Variants in EVI5 observed in about 807,000 individuals in gnomAD.
EVI5 encodes ecotropic viral integration site 5, also known as ecotropic viral integration site 5 protein homolog.
A neutral mutation model predicts 112.0 loss-of-function variants in EVI5; 73 were observed. That is an observed-to-expected ratio of 0.65 (90% CI 0.54 to 0.79). The LOEUF (loss-of-function observed/expected upper bound fraction) is 0.79. Ranked by LOEUF, EVI5 falls within the 30% of genes least tolerant of loss-of-function variation. The probability of loss-of-function intolerance (pLI) is 0.00; values close to 1 mark genes in which losing one functional copy is unlikely to be tolerated. For missense variants in EVI5, 900 were observed against 968.8 expected (o/e 0.93, Z 0.94); for synonymous variants, 305 against 319.9 (o/e 0.95, Z 0.50).
chr1:92,540,499 A>G (rs1372743386), intron 19 of EVI5, among the ~76,000 whole-genome samples: 1 of 152,188 alleles, frequency 6.6e-6, no homozygotes, highest in African/African-American at 2.4e-5. Flanking sequence ...CAGTCTATTC[A>G]GATCCTTTAT....
intron 9 of EVI5, among the ~76,000 whole-genome samples, chr1:92,691,556 A>G (rs1570381470): frequency 1.3e-5 from 2 of 152,328 alleles, no homozygotes; most frequent in South Asian, 4.1e-4. Context: ...AAGCTTCATA[A>G]AAGGAAAATG....
intron 13 of EVI5, among the ~76,000 whole-genome samples, chr1:92,657,245 A>AT: frequency 6.6e-6 from 1 of 152,352 alleles, no homozygotes; most frequent in South Asian, 2.1e-4. Flanking sequence ...AATAACTGTG[A>AT]TTCACCACAT....
In EVI5 at chr1:92,704,474, G is replaced by T. The variant is rs184686821; in HGVS notation, c.339+81C>A. On this transcript the variant is annotated intron_variant, in intron 3 of 19. Coordinates refer to ENST00000684568, the MANE Select transcript of EVI5 (RefSeq NM_001350197.2). The stretch of plus-strand genomic sequence containing the variant: ...ATATAGCTTGGAAGTTGTATTTGGG[G>T]TTTTTTTCCCAATCCTCTATTAAGT... 6.9e-4 allele frequency: 598 copies of T among 872,094 alleles called. 1 individual carries two copies. The highest frequency in any genetic ancestry group is 2.7e-3 in the Admixed American group (99 of 37,134). The allele number at this position is 872,094 out of a possible 1,614,324, so 54.0% of individuals were successfully genotyped here.
chr1:92,709,291 T>G lies in EVI5; in HGVS notation c.150-4547A>C, dbSNP rs192835636. On this transcript the variant is annotated intron_variant, in intron 2 of 19. Coordinates refer to ENST00000684568, the MANE Select transcript of EVI5 (RefSeq NM_001350197.2). ...GTTATACATAGGTATATACATTCTT[T>G]GAAATTCAAACTTTACACTTAAGAA... 7.4e-4 allele frequency among the ~76,000 whole-genome samples: 113 copies of G among 152,306 alleles called. 1 individual carries two copies. In the East Asian group the frequency reaches 0.016, roughly 22 times the overall value.
intron 17 of EVI5, among the ~76,000 whole-genome samples, chr1:92,606,920 A>C (rs996813775): frequency 3.9e-5 from 4 of 101,940 alleles, no homozygotes; most frequent in East Asian, 4.8e-4. Flanking sequence ...ACACACACAC[A>C]CACCCCCCCA....
At position 92,509,446 on chromosome 1, in the gene EVI5, G is replaced by C. The variant is rs187072000; in HGVS notation, c.*4210C>G. The C allele has an allele frequency of 3.3e-3, 499 of 152,688 alleles. 6 individuals carry two copies. Among genetic ancestry groups the C allele is most frequent in the African/African-American group, 0.011 (473 of 41,418 alleles). The allele number at this position is 152,688 out of a possible 1,614,324, so 9.5% of individuals were successfully genotyped here. On this transcript the variant is annotated 3_prime_UTR_variant, in exon 20 of 20. Coordinates refer to ENST00000684568, the MANE Select transcript of EVI5 (RefSeq NM_001350197.2). ...CAAACAAACAAACAAAAAAGACGGT[G>C]GGGGCAGAAATTGTGTAAAATTACA...
At chr1:92,591,470 C>T (rs1356392810) in intron 18 of EVI5, among the ~76,000 whole-genome samples, 4 of 152,024 alleles carry the variant, frequency 2.6e-5, no homozygotes, top group East Asian at 3.9e-4. Context: ...TCCTAGTTTC[C>T]AATAAAACAG....
chr1:92,561,608 C>CTAATGTATCCTAT, intron 19 of EVI5, among the ~76,000 whole-genome samples: 1 of 132,140 alleles, frequency 7.6e-6, no homozygotes, highest in African/African-American at 2.9e-5. Flanking sequence ...TCTAATCTAT[C>CTAATGTATCCTAT]CTATCTATCT....
At chr1:92,536,484 C>T (rs1663917073) in intron 19 of EVI5, among the ~76,000 whole-genome samples, 1 of 152,174 alleles carries the variant, frequency 6.6e-6, no homozygotes. Flanking sequence ...TAAAAGATTA[C>T]AGCTATTCCA....
At chr1:92,572,664 A>G (rs1670486216) in intron 18 of EVI5, among the ~76,000 whole-genome samples, 2 of 151,984 alleles carry the variant, frequency 1.3e-5, no homozygotes, top group Admixed American at 1.3e-4. Context: ...GAATGATACC[A>G]CCCTAACTCC....
intron 2 of EVI5, among the ~76,000 whole-genome samples, chr1:92,721,422 T>A (rs1674736355): frequency 6.6e-6 from 1 of 151,866 alleles, no homozygotes; most frequent in Non-Finnish European, 1.5e-5. Context: ...CAAACTATCA[T>A]AAGGACTGAA....
At chr1:92,640,783 T>C (rs1659807459) in intron 13 of EVI5, among the ~76,000 whole-genome samples, 1 of 152,162 alleles carries the variant, frequency 6.6e-6, no homozygotes, top group Non-Finnish European at 1.5e-5. Context: ...TACATACATA[T>C]GTTTACCGCA....
chr1:92,759,446 TCAAA>T (rs1158481778), intron 1 of EVI5, among the ~76,000 whole-genome samples: 1 of 152,234 alleles, frequency 6.6e-6, no homozygotes, highest in Non-Finnish European at 1.5e-5. Flanking sequence ...CTTAACGGTT[TCAAA>T]CAGACTTTTT....
chr1:92,704,373 G>A (rs1671659540), intron 3 of EVI5, among the ~76,000 whole-genome samples, 182 bp downstream of exon 3: 1 of 152,180 alleles, frequency 6.6e-6, no homozygotes, highest in South Asian at 2.1e-4. Context: ...CAGGACCTCT[G>A]TAACAACTGA....
At chr1:92,777,318 C>T (rs1684278450) in intron 1 of EVI5, among the ~76,000 whole-genome samples, 1 of 152,180 alleles carries the variant, frequency 6.6e-6, no homozygotes, top group Non-Finnish European at 1.5e-5. Context: ...TTAATGTACA[C>T]ATGGATTTCC....
At chr1:92,684,834 C>A (rs919847504) in intron 9 of EVI5, among the ~76,000 whole-genome samples, 2 of 152,072 alleles carry the variant, frequency 1.3e-5, no homozygotes, top group Admixed American at 1.3e-4. Flanking sequence ...GTAAAGGGAT[C>A]AATTCAACAA....
At chr1:92,651,254 A>C (rs1238411289) in intron 13 of EVI5, among the ~76,000 whole-genome samples, 1 of 152,260 alleles carries the variant, frequency 6.6e-6, no homozygotes, top group Non-Finnish European at 1.5e-5. Flanking sequence ...GAAAATACAA[A>C]GTATTTACAC....
At chr1:92,561,292 T>C (rs1022295321) in intron 19 of EVI5, among the ~76,000 whole-genome samples, 8 of 152,276 alleles carry the variant, frequency 5.3e-5, no homozygotes, top group Admixed American at 2.6e-4. Context: ...CTTAATTCTA[T>C]CTGCAACAAG....
rs192553407 is a variant in EVI5, at chr1:92,634,318, A to G, written c.1527+1884T>C. On this transcript the variant is annotated intron_variant, in intron 14 of 19. Coordinates refer to ENST00000684568, the MANE Select transcript of EVI5 (RefSeq NM_001350197.2). ...CTCCCCGTCACTTTCAGGTACACCA[A>G]TCAGACGTAGATTTGGTCTTTTCAC... 4.3e-4 allele frequency among the ~76,000 whole-genome samples: 66 copies of G among 152,346 alleles called. 1 individual carries two copies. In the East Asian group the frequency reaches 0.012, roughly 28 times the overall value.
Sources: allele counts gnomAD v4.1 joint callset (sites outside exome capture counted in the v4.1 genomes callset), GRCh38; gene constraint gnomAD v4.1.1; transcripts MANE v1.5; gene names NCBI Gene and HGNC (gene_info 2026-07-23, HGNC 2026-07-21).